GAPVD1: variants seen among roughly 807,000 people sequenced by gnomAD.
The protein encoded by GAPVD1 is GTPase-activating protein and VPS9 domain-containing protein 1.
Under a neutral mutation model 155.5 loss-of-function variants are expected in GAPVD1, and 35 were observed. The observed-to-expected ratio is 0.23, with a 90% CI of 0.17 to 0.30. The LOEUF is 0.30. Among genes scored for constraint, GAPVD1 ranks in the 10% least tolerant of loss-of-function variants. The pLI is 1.00. For synonymous variants in GAPVD1, 636 were observed against 619.7 expected (o/e 1.03, Z -0.39); for missense variants, 1,429 against 1,775.7 (o/e 0.80, Z 3.51).
chr9:125,302,818 C>T lies in GAPVD1; in HGVS notation c.1021C>T (p.Leu341=), dbSNP rs138640842. The change falls in exon 5 of 28, where the codon CTG becomes TTG. Residue 341 remains leucine (L), a synonymous_variant. Transcript: ENST00000297933. ...APINEVARFN[L]MQVGRLLQQL... is the part of the protein sequence containing the mutation. ...TATTAATGAAGTAGCACGATTTAATCTGATGCAGGTATGCTTTTGCTATTA... is the reference window on the plus strand; with the variant it reads ...TATTAATGAAGTAGCACGATTTAATTTGATGCAGGTATGCTTTTGCTATTA... The T allele has an allele frequency of 3.2e-4, 507 of 1,596,292 alleles. 6 individuals are homozygous for T. The South Asian group carries it at 4.7e-3, about 15-fold the overall frequency.
At chr9:125,341,352 C>T (rs1413873723) in intron 18 of GAPVD1, 88 bp downstream of exon 18, 2 of 678,878 alleles carry the variant, frequency 2.9e-6, no homozygotes, top group African/African-American at 1.8e-5. Context: ...CTCAACTCCT[C>T]TGTAAGACTT....
intron 1 of GAPVD1, among the ~76,000 whole-genome samples, chr9:125,267,555 A>G (rs1333214203): frequency 6.6e-6 from 1 of 152,006 alleles, no homozygotes; most frequent in African/African-American, 2.4e-5. Context: ...GATTACAGGC[A>G]TGTGCCACCA....
chr9:125,347,334 T>C (rs1368910553), intron 20 of GAPVD1, among the ~76,000 whole-genome samples: 1 of 152,230 alleles, frequency 6.6e-6, no homozygotes, highest in Non-Finnish European at 1.5e-5. Context: ...CTGGTACTTA[T>C]TTTAAAGGAT....
chr9:125,335,432 C>CT, intron 15 of GAPVD1, among the ~76,000 whole-genome samples: 1 of 151,764 alleles, frequency 6.6e-6, no homozygotes, highest in South Asian at 2.1e-4. Flanking sequence ...AATCCCAGCA[C>CT]TTTGGGAGGC....
intron 12 of GAPVD1, among the ~76,000 whole-genome samples, chr9:125,327,839 G>T (rs1459900274): frequency 6.6e-6 from 1 of 152,084 alleles, no homozygotes; most frequent in Non-Finnish European, 1.5e-5. Context: ...TACAAGAGAT[G>T]GTGGTATCAT....
chr9:125,290,341 G>A (rs1213881781), intron 2 of GAPVD1, among the ~76,000 whole-genome samples: 1 of 152,124 alleles, frequency 6.6e-6, no homozygotes, highest in South Asian at 2.1e-4. Flanking sequence ...AGGGTGGCTG[G>A]ATTTCTTTAG....
intron 2 of GAPVD1, among the ~76,000 whole-genome samples, chr9:125,270,260 C>G (rs1289518428): frequency 6.6e-6 from 1 of 151,000 alleles, no homozygotes; most frequent in African/African-American, 2.4e-5. Context: ...GAAACCCCGT[C>G]TCTACTAAAA....
At chr9:125,335,938 A>G (rs1846862461) in intron 15 of GAPVD1, among the ~76,000 whole-genome samples, 1 of 151,978 alleles carries the variant, frequency 6.6e-6, no homozygotes, top group South Asian at 2.1e-4. Context: ...GGAGTGCTTG[A>G]GCCTAGGAGT....
At chr9:125,354,271 T>C (rs1849736296) in intron 23 of GAPVD1, among the ~76,000 whole-genome samples, 1 of 152,202 alleles carries the variant, frequency 6.6e-6, no homozygotes, top group Non-Finnish European at 1.5e-5. Context: ...ATAACCTGTA[T>C]TTGTTGTTAT....
At chr9:125,315,669 T>C (rs769523267) in intron 9 of GAPVD1, among the ~76,000 whole-genome samples, 12 of 152,082 alleles carry the variant, frequency 7.9e-5, no homozygotes, top group Non-Finnish European at 1.3e-4. Flanking sequence ...TATTAGTTGC[T>C]TCTGCTTGCA....
chr9:125,337,518 T>C lies in GAPVD1; in HGVS notation c.2804T>C (p.Ile935Thr). ...EERELPPAAAIGATSLVAAPH... is the reference protein window; with the variant it reads ...EERELPPAAATGATSLVAAPH... ...CGAGAACTCCCTCCAGCTGCAGCCA[T>C]TGGTGCTACTTCTTTGGTGGCTGCA... Residue 935 changes from isoleucine to threonine, a missense_variant, in exon 17 of 28, where the codon ATT becomes ACT. Physicochemically the swap from Ile to Thr is moderately conservative, Grantham distance 89. Transcript: ENST00000297933. 6.2e-7 allele frequency: 1 copy of C among 1,613,990 alleles called. No homozygotes were observed. The highest frequency in any genetic ancestry group is 8.5e-7 in the Non-Finnish European group (1 of 1,179,846).
chr9:125,293,775 ATAAT>A (rs1391065757), intron 2 of GAPVD1, among the ~76,000 whole-genome samples: 2 of 122,646 alleles, frequency 1.6e-5, no homozygotes, highest in African/African-American at 6.1e-5. Flanking sequence ...TATATTATAT[ATAAT>A]ATAAAATAAA....
chr9:125,338,957 G>A (rs538714392), intron 17 of GAPVD1, among the ~76,000 whole-genome samples: 113 of 111,486 alleles, frequency 1.0e-3, no homozygotes, highest in Middle Eastern at 5.7e-3. Flanking sequence ...GTGTGTGTGT[G>A]TATATATATT....
At chr9:125,297,652 G>T (rs1185127981) in intron 3 of GAPVD1, among the ~76,000 whole-genome samples, 2 of 152,184 alleles carry the variant, frequency 1.3e-5, no homozygotes, top group Non-Finnish European at 2.9e-5. Flanking sequence ...GTAGCCAGGG[G>T]TAGATCATAT....
rs368428980 is a variant in GAPVD1 at position 125,324,478 on chromosome 9, A to G, written c.1858+555A>G. ...GTGGCACATGCCTGTAATCCCAGCTACTCGGGAGGCTGAGGCAGGAGAATC... is the reference window on the plus strand; with the variant it reads ...GTGGCACATGCCTGTAATCCCAGCTGCTCGGGAGGCTGAGGCAGGAGAATC... On this transcript the variant is annotated intron_variant, in intron 11 of 27. Coordinates refer to ENST00000297933, the MANE Select transcript of GAPVD1 (RefSeq NM_001282680.3). 1.2e-4 allele frequency among the ~76,000 whole-genome samples: 18 copies of G among 152,174 alleles called. 1 individual carries two copies. The South Asian group carries it at 3.1e-3, about 26-fold the overall frequency.
chr9:125,349,914 G>A (rs1429353823), intron 21 of GAPVD1, among the ~76,000 whole-genome samples: 1 of 152,156 alleles, frequency 6.6e-6, no homozygotes, highest in Admixed American at 6.5e-5. Context: ...CGTCATCAGC[G>A]TTTCTAAAGA....
At chr9:125,338,431 G>A (rs1429725086) in intron 17 of GAPVD1, among the ~76,000 whole-genome samples, 2 of 152,118 alleles carry the variant, frequency 1.3e-5, no homozygotes, top group African/African-American at 4.8e-5. Context: ...AGTTGTCCCT[G>A]TAACATTTTT....
intron 6 of GAPVD1, among the ~76,000 whole-genome samples, chr9:125,306,953 A>G (rs1298257152): frequency 2.6e-5 from 4 of 152,128 alleles, no homozygotes; most frequent in Admixed American, 6.6e-5. Flanking sequence ...AACATGGTGA[A>G]ACCCCATCTC....
chr9:125,284,605 C>T (rs1479307798), intron 2 of GAPVD1, among the ~76,000 whole-genome samples: 1 of 152,082 alleles, frequency 6.6e-6, no homozygotes, highest in Admixed American at 6.6e-5. Context: ...GACACCACAC[C>T]TCTGGCCTCC....
Sources: gnomAD v4.1 joint callset for allele counts (sites outside exome capture counted in the v4.1 genomes callset) on GRCh38, gnomAD v4.1.1 for gene constraint, MANE v1.5 for transcripts, NCBI Gene and HGNC (gene_info 2026-07-23, HGNC 2026-07-21) for gene names.